The following LDB2 variants were observed in gnomAD, a reference collection of about 807,000 sequenced individuals.
LDB2 encodes LIM domain-binding protein 2.
In LDB2, 12 loss-of-function variants were observed where a neutral mutation model predicts 44.3. That is an observed-to-expected ratio of 0.27 (90% confidence interval 0.17 to 0.44). The LOEUF (loss-of-function observed/expected upper bound fraction) is 0.44. LDB2 is among the 20% of genes least tolerant of loss of function. The pLI is 1.00. For missense variants in LDB2, 344 were observed against 473.5 expected (o/e 0.73, Z 2.54); for synonymous variants, 164 against 174.8 (o/e 0.94, Z 0.49).
chr4:16,713,737 G>A (rs763914015), intron 2 of LDB2, among the ~76,000 whole-genome samples: 1 of 152,168 alleles, frequency 6.6e-6, no homozygotes, highest in Non-Finnish European at 1.5e-5. Flanking sequence ...GAGGAGGGAT[G>A]GATTTCATAG....
intron 1 of LDB2, among the ~76,000 whole-genome samples, chr4:16,795,797 C>T (rs1176254506): frequency 2.0e-5 from 3 of 152,126 alleles, no homozygotes; most frequent in Admixed American, 6.5e-5. Flanking sequence ...AGTCGCTAAA[C>T]GGTACCTATT....
intron 1 of LDB2, among the ~76,000 whole-genome samples, chr4:16,815,291 T>C (rs13145127): frequency 0.23 from 34,952 of 152,156 alleles, 4,893 homozygotes; most frequent in East Asian, 0.53. Context: ...AGTCTACCTC[T>C]AAACTATCCC....
At chr4:16,692,263 T>C (rs186612644) in intron 2 of LDB2, among the ~76,000 whole-genome samples, 16 of 152,342 alleles carry the variant, frequency 1.1e-4, no homozygotes, top group African/African-American at 3.4e-4. Flanking sequence ...TATACATACA[T>C]TGACTCATGC....
At chr4:16,571,471 G>T (rs939326421) in intron 5 of LDB2, among the ~76,000 whole-genome samples, 8 of 151,720 alleles carry the variant, frequency 5.3e-5, no homozygotes, top group Non-Finnish European at 1.2e-4. Context: ...AAAAAGCCTG[G>T]TCATCTCAGT....
At chr4:16,641,076 C>G (rs1026538506) in intron 2 of LDB2, among the ~76,000 whole-genome samples, 3 of 151,926 alleles carry the variant, frequency 2.0e-5, no homozygotes, top group African/African-American at 7.3e-5. Flanking sequence ...AGGAGATGGA[C>G]ATAGATGGAA....
chr4:16,709,036 G>C (rs976245257), intron 2 of LDB2, among the ~76,000 whole-genome samples: 3 of 152,034 alleles, frequency 2.0e-5, no homozygotes, highest in Non-Finnish European at 4.4e-5. Context: ...GCTCATCCTT[G>C]AACCATCTGC....
intron 1 of LDB2, among the ~76,000 whole-genome samples, chr4:16,880,514 G>C (rs1298741507): frequency 6.6e-6 from 1 of 152,172 alleles, no homozygotes; most frequent in African/African-American, 2.4e-5. Flanking sequence ...GAGAGGAACA[G>C]CGCTTGTCTG....
chr4:16,874,376 T>C (rs1241914020), intron 1 of LDB2, among the ~76,000 whole-genome samples: 2 of 152,212 alleles, frequency 1.3e-5, no homozygotes, highest in African/African-American at 4.8e-5. Context: ...TTTTTTCCAA[T>C]ATCAATCTGA....
intron 2 of LDB2, among the ~76,000 whole-genome samples, chr4:16,719,868 T>C (rs2671920): frequency 0.45 from 68,527 of 151,926 alleles, 16,111 homozygotes; most frequent in East Asian, 0.78. Flanking sequence ...ATTGGCTAGA[T>C]ATTATTATTC....
chr4:16,620,585 A>C (rs984487611), intron 2 of LDB2, among the ~76,000 whole-genome samples: 3 of 152,174 alleles, frequency 2.0e-5, no homozygotes, highest in African/African-American at 7.2e-5. Flanking sequence ...CTGCCTTCTC[A>C]TTCACTCCAT....
chr4:16,884,480 C>T (rs535567642), intron 1 of LDB2, among the ~76,000 whole-genome samples: 1 of 152,120 alleles, frequency 6.6e-6, no homozygotes, highest in Non-Finnish European at 1.5e-5. Flanking sequence ...ACACATACAC[C>T]CCAGACCTTA....
intron 5 of LDB2, among the ~76,000 whole-genome samples, chr4:16,513,881 A>G (rs1033420783): frequency 2.0e-5 from 3 of 152,208 alleles, no homozygotes; most frequent in African/African-American, 7.2e-5. Context: ...CGCCAAAGGT[A>G]GACATAAAAT....
chr4:16,854,536 C>T (rs1561448803), intron 1 of LDB2, among the ~76,000 whole-genome samples: 1 of 144,894 alleles, frequency 6.9e-6, no homozygotes, highest in Non-Finnish European at 1.5e-5. Flanking sequence ...CACACACACA[C>T]AGGTGAAATA....
chr4:16,801,888 CT>C (rs2109756264), intron 1 of LDB2, among the ~76,000 whole-genome samples: 1 of 152,288 alleles, frequency 6.6e-6, no homozygotes, highest in Non-Finnish European at 1.5e-5. Context: ...TTTGAATGGA[CT>C]GTCCCATCTC....
intron 2 of LDB2, among the ~76,000 whole-genome samples, chr4:16,658,716 A>T (rs1740629497): frequency 6.6e-6 from 1 of 152,208 alleles, no homozygotes; most frequent in Non-Finnish European, 1.5e-5. Flanking sequence ...AAAAAAAGAA[A>T]GCAGGAATAA....
intron 1 of LDB2, among the ~76,000 whole-genome samples, chr4:16,859,645 C>A (rs1015702420): frequency 1.3e-5 from 2 of 152,144 alleles, no homozygotes; most frequent in Admixed American, 1.3e-4. Context: ...AGACTCAGTA[C>A]AGAGAACTTG....
At chr4:16,895,925 A>G (rs958403524) in intron 1 of LDB2, among the ~76,000 whole-genome samples, 1 of 152,142 alleles carries the variant, frequency 6.6e-6, no homozygotes, top group Non-Finnish European at 1.5e-5. Flanking sequence ...AAATATTTAA[A>G]TATCTTAGGA....
chr4:16,881,460 C>T (rs778301442), intron 1 of LDB2, among the ~76,000 whole-genome samples: 6 of 152,168 alleles, frequency 3.9e-5, no homozygotes, highest in Non-Finnish European at 8.8e-5. Flanking sequence ...GCTCCTGCTC[C>T]TGGATTTTTG....
At chr4:16,654,483 G>A (rs914803482) in intron 2 of LDB2, among the ~76,000 whole-genome samples, 6 of 152,128 alleles carry the variant, frequency 3.9e-5, no homozygotes, top group South Asian at 4.1e-4. Flanking sequence ...GAAGCAGGTC[G>A]GTGCATGAAG....
Sources: allele counts gnomAD v4.1 joint callset (sites outside exome capture counted in the v4.1 genomes callset), GRCh38; gene constraint gnomAD v4.1.1; transcripts MANE v1.5; gene names NCBI Gene and HGNC (gene_info 2026-07-23, HGNC 2026-07-21).